Variants in GIGYF1 observed in about 807,000 individuals in gnomAD.
GIGYF1 encodes GRB10-interacting GYF protein 1.
A neutral mutation model predicts 147.1 loss-of-function variants in GIGYF1; 84 were observed. The ratio of observed to expected loss-of-function variants is 0.57; its 90% CI spans 0.48 to 0.68. The LOEUF is 0.68. Among genes scored for constraint, GIGYF1 ranks in the 30% least tolerant of loss-of-function variants. GIGYF1 has a pLI of 0.00. For synonymous variants in GIGYF1, 752 were observed against 589.5 expected (o/e 1.28, Z -3.99); for missense variants, 1,485 against 1,393.7 (o/e 1.07, Z -1.04).
At chr7:100,692,738 C>T (rs1298494609) in intron 1 of GIGYF1, among the ~76,000 whole-genome samples, 1 of 152,212 alleles carries the variant, frequency 6.6e-6, no homozygotes, top group Non-Finnish European at 1.5e-5. Context: ...ACCCTCAGGG[C>T]CCCTGGTCCC....
rs1267219965 is a variant in GIGYF1 at position 100,679,834 on chromosome 7, C to G, written c.*1885G>C. 6.6e-6 allele frequency: 1 copy of G among 152,538 alleles called. No individual in the cohort carries two copies. Among genetic ancestry groups the G allele is most frequent in the Non-Finnish European group, 1.5e-5 (1 of 68,018 alleles). The allele number at this position is 152,538 out of a possible 1,614,324, so 9.4% of individuals were successfully genotyped here. On this transcript the variant is annotated 3_prime_UTR_variant, in exon 27 of 27. Coordinates refer to ENST00000678049, the MANE Select transcript of GIGYF1 (RefSeq NM_001375765.1). Reference sequence around the variant, plus strand: ...ACTTCCTCACAGGGTTAAGGCCTCTCCAGGCTCATGGGCCCCCTAAGTCCA... The same window carrying G: ...ACTTCCTCACAGGGTTAAGGCCTCTGCAGGCTCATGGGCCCCCTAAGTCCA...
Position 100,686,664 on chromosome 7 carries a change from G to C in GIGYF1, c.679C>G (p.Arg227Gly), listed in dbSNP as rs761541233. The C allele has an allele frequency of 1.2e-6, 2 of 1,611,770 alleles. No individual in the cohort carries two copies. The highest frequency in any genetic ancestry group is 1.7e-6 in the Non-Finnish European group (2 of 1,179,452). ...CCAATCTCACCAGGGCTGGCGGAGC[G>C]CCAGCGGTCGCCGTCTCGCCGGGGC... ...AGPRRDGDRWRSASPDGGPRS... is the reference protein window; with the variant it reads ...AGPRRDGDRWGSASPDGGPRS... The change falls in exon 10 of 27, where the codon CGC (arginine) becomes GGC (glycine). Residue 227 changes from arginine (R) to glycine (G), a missense_variant. Transcript: ENST00000678049.
chr7:100,691,461 G>A (rs180685345), intron 1 of GIGYF1, among the ~76,000 whole-genome samples: 9 of 152,080 alleles, frequency 5.9e-5, no homozygotes, highest in African/African-American at 1.4e-4. Context: ...TCCCACGAGG[G>A]AAATCTGAAA....
rs543954884 is a variant in GIGYF1, at chr7:100,681,542, C to A, written c.*177G>T. 8.1e-5 allele frequency: 36 copies of A among 447,094 alleles called. 1 individual carries two copies. The highest frequency in any genetic ancestry group is 7.1e-4 in the South Asian group (10 of 14,162). The allele number at this position is 447,094 out of a possible 1,614,324, so 27.7% of individuals were successfully genotyped here. ...AAAAAGAAAAACCCCCTCCCCCAGTCTGTAAAGTGCCTCGTGGTGGGTGAG... is the reference window on the plus strand; with the variant it reads ...AAAAAGAAAAACCCCCTCCCCCAGTATGTAAAGTGCCTCGTGGTGGGTGAG... On this transcript the variant is annotated 3_prime_UTR_variant, in exon 27 of 27. Transcript: ENST00000678049.
chr7:100,687,366 G>T lies in GIGYF1; in HGVS notation c.414C>A (p.Ile138=), dbSNP rs754127811. 1 of 1,613,394 alleles carries T rather than the reference G, an allele frequency of 6.2e-7. No individual in the cohort carries two copies. The highest frequency in any genetic ancestry group is 1.3e-5 in the African/African-American group (1 of 75,026). Residue 138 remains isoleucine (I), a synonymous_variant, in exon 8 of 27, where the codon ATC becomes ATA. Coordinates refer to ENST00000678049, the MANE Select transcript of GIGYF1 (RefSeq NM_001375765.1). ...RGDSCFYQRS[I]EEGDGAFGRS... is the part of the protein sequence containing the mutation. ...GTCCAAAGGCCCCATCGCCTTCTTCGATGCTTCTTTGGTAAAAGCAGCTGT... is the reference window on the plus strand; with the variant it reads ...GTCCAAAGGCCCCATCGCCTTCTTCTATGCTTCTTTGGTAAAAGCAGCTGT...
chr7:100,691,063 G>A (rs372512293), intron 1 of GIGYF1, among the ~76,000 whole-genome samples: 3 of 152,166 alleles, frequency 2.0e-5, no homozygotes, highest in African/African-American at 7.2e-5. Context: ...CCCACAGCAG[G>A]GTCTGGTGCC....
chr7:100,687,452 G>A (rs777620189), intron 7 of GIGYF1, 46 bp from the exon 8 acceptor site: 16 of 1,606,860 alleles, frequency 1.0e-5, no homozygotes, highest in South Asian at 5.5e-5. Flanking sequence ...GCACGTTCTC[G>A]AAGTCAGGGG....
chr7:100,691,718 C>G (rs1247279514), intron 1 of GIGYF1, among the ~76,000 whole-genome samples: 1 of 152,074 alleles, frequency 6.6e-6, no homozygotes, highest in Non-Finnish European at 1.5e-5. Context: ...TGGCCCTGCC[C>G]TCAAGCCTCG....
intron 15 of GIGYF1, 24 bp from the exon 16 acceptor site, chr7:100,684,640 G>C (rs374141952): frequency 6.2e-7 from 1 of 1,613,708 alleles, no homozygotes; most frequent in African/African-American, 1.3e-5. Flanking sequence ...GAGGGAGCGG[G>C]AGAACCACTG....
chr7:100,691,939 G>A (rs1191541695), intron 1 of GIGYF1, among the ~76,000 whole-genome samples: 4 of 152,286 alleles, frequency 2.6e-5, no homozygotes, highest in Admixed American at 1.3e-4. Context: ...AAGAGAGAAA[G>A]AAAAGACAGA....
At chr7:100,692,945 C>G (rs935172670) in intron 1 of GIGYF1, among the ~76,000 whole-genome samples, 3 of 152,176 alleles carry the variant, frequency 2.0e-5, no homozygotes, top group Non-Finnish European at 4.4e-5. Flanking sequence ...TCCCCCATGT[C>G]GGCAGCAAAG....
chr7:100,684,698 C>A (rs1363858574), intron 15 of GIGYF1, 25 bp downstream of exon 15: 1 of 1,610,368 alleles, frequency 6.2e-7, no homozygotes, highest in Non-Finnish European at 8.5e-7. Flanking sequence ...CGGCCTTGAG[C>A]AGCCCTCCCA....
Position 100,685,150 on chromosome 7 carries a change from GA to G in GIGYF1, c.1193-5del. 1 of 1,576,850 alleles carries G rather than the reference GA, an allele frequency of 6.3e-7. No homozygotes were observed. Among genetic ancestry groups the G allele is most frequent in the South Asian group, 1.1e-5 (1 of 86,962 alleles). On this transcript the variant is annotated splice_region_variant and splice_polypyrimidine_tract_variant and intron_variant, in intron 13 of 26. Transcript: ENST00000678049. ...AGCTGGATCCCCCGAATATCATCTG[GA>G]AGGCATGAGATAGGAGGTGGAAAGA...
chr7:100,690,885 C>T (rs1352532156), intron 1 of GIGYF1, among the ~76,000 whole-genome samples: 1 of 151,958 alleles, frequency 6.6e-6, no homozygotes, highest in Admixed American at 6.6e-5. Context: ...AGTCACCCAT[C>T]CTGGCTGTGT....
rs567063818 is a variant in GIGYF1 at position 100,681,147 on chromosome 7, G to A, written c.*572C>T. ...GACAGGAGCTGCTCACAACAGGTCT[G>A]GCGGGTGGGGCTCAGACAGGCCTCC... On this transcript the variant is annotated 3_prime_UTR_variant, in exon 27 of 27. Transcript: ENST00000678049. The A allele has an allele frequency of 2.6e-5, 4 of 152,784 alleles. No individual in the cohort carries two copies. The highest frequency in any genetic ancestry group is 9.6e-5 in the African/African-American group (4 of 41,588). The allele number at this position is 152,784 out of a possible 1,614,324, so 9.5% of individuals were successfully genotyped here. A position where few individuals can be genotyped will look rare whatever the true frequency, so the allele number is the denominator to read the frequency against.
Position 100,686,099 on chromosome 7 carries a change from G to A in GIGYF1, c.949-20C>T. The A allele has an allele frequency of 6.2e-7, 1 of 1,611,540 alleles. No homozygotes were observed. Among genetic ancestry groups the A allele is most frequent in the Non-Finnish European group, 8.5e-7 (1 of 1,179,706 alleles). ...GCCCTTCTGCATGGGGCCGGGGTGG[G>A]GAGCAGAGAACAGCTGGGGTGGGTG... On this transcript the variant is annotated intron_variant, in intron 11 of 26. Coordinates refer to ENST00000678049, the MANE Select transcript of GIGYF1 (RefSeq NM_001375765.1).
chr7:100,690,710 AGG>A (rs1014447111), intron 1 of GIGYF1, among the ~76,000 whole-genome samples: 1 of 144,408 alleles, frequency 6.9e-6, no homozygotes, highest in Non-Finnish European at 1.5e-5. Context: ...TGAACCCAGG[AGG>A]CGGAGGTTGC....
In GIGYF1 at chr7:100,687,600, G is replaced by A; in HGVS notation, c.278C>T (p.Ser93Leu). Residue 93 changes from serine to leucine, a missense_variant, in exon 7 of 27, where the codon TCA becomes TTA. Ser to Leu is a moderately radical substitution (Grantham distance 145). Coordinates refer to ENST00000678049, the MANE Select transcript of GIGYF1 (RefSeq NM_001375765.1). ...CCTCAGCACAGCCACGCTGTTCACT[G>A]ACAGGGAGAAGTTTCTCTGAGGAGG... is the stretch of plus-strand genomic sequence containing the variant. ...TEEEQRNFSL[S>L]VNSVAVLRLM... 2 of 1,611,848 alleles carry A rather than the reference G, an allele frequency of 1.2e-6. No homozygotes were observed. Among genetic ancestry groups the A allele is most frequent in the Non-Finnish European group, 1.7e-6 (2 of 1,179,560 alleles).
At position 100,683,124 on chromosome 7, in the gene GIGYF1, T is replaced by A; in HGVS notation, c.2300A>T (p.Gln767Leu). Residue 767 changes from glutamine to leucine, a missense_variant, in exon 22 of 27, where the codon CAG becomes CTG. Physicochemically the swap from Gln to Leu is moderately radical, Grantham distance 113 (BLOSUM62 -2). Transcript: ENST00000678049. ...PPPLWAGLAK[Q>L]GLSMKTLLEL... ...CAGGAGCGTCTTCATGGACAGCCCC[T>A]GCTTGGCCAGGCCAGCCCAGAGTGG... The A allele has an allele frequency of 6.3e-7, 1 of 1,594,676 alleles. No individual in the cohort carries two copies. The highest frequency in any genetic ancestry group is 8.5e-7 in the Non-Finnish European group (1 of 1,175,032).
Sources: allele counts gnomAD v4.1 joint callset (sites outside exome capture counted in the v4.1 genomes callset), GRCh38; gene constraint gnomAD v4.1.1; transcripts MANE v1.5; gene names NCBI Gene and HGNC (gene_info 2026-07-23, HGNC 2026-07-21).